The following TIAM1 variants were observed in gnomAD, a reference collection of about 807,000 sequenced individuals.
TIAM1 encodes rho guanine nucleotide exchange factor TIAM1.
TIAM1 carries 65 observed loss-of-function variants against 163.5 expected under a neutral mutation model. The ratio of observed to expected loss-of-function variants is 0.40; its 90% CI spans 0.33 to 0.49. The LOEUF (loss-of-function observed/expected upper bound fraction) is 0.49, where lower values mean the gene tolerates loss of function less well. Among genes scored for constraint, TIAM1 ranks in the 20% least tolerant of loss-of-function variants. TIAM1 has a pLI of 0.77. For synonymous variants in TIAM1, 833 were observed against 810.1 expected, an observed-to-expected ratio of 1.03 and a Z score of -0.48; for missense variants, 1,789 against 2,044.7, an observed-to-expected ratio of 0.87 and a Z score of 2.41.
At chr21:31,327,225 G>T (rs567540146) in intron 2 of TIAM1, among the ~76,000 whole-genome samples, 1 of 152,208 alleles carries the variant, frequency 6.6e-6, no homozygotes, top group East Asian at 1.9e-4. Context: ...TGAAACACTG[G>T]GCTGCAGAGA....
At chr21:31,342,318 C>A (rs2076043805) in intron 1 of TIAM1, among the ~76,000 whole-genome samples, 1 of 151,836 alleles carries the variant, frequency 6.6e-6, no homozygotes, top group Non-Finnish European at 1.5e-5. Flanking sequence ...AAAAATATAA[C>A]CAACCAGAGA....
intron 5 of TIAM1, among the ~76,000 whole-genome samples, 169 bp downstream of exon 5, chr21:31,251,573 G>A (rs1156652163): frequency 1.3e-5 from 2 of 152,194 alleles, no homozygotes; most frequent in African/African-American, 4.8e-5. Context: ...ATGTAAGAGG[G>A]TAGATTTCAT....
chr21:31,454,203 T>C (rs933860405), intron 2 of TIAM1, among the ~76,000 whole-genome samples: 2 of 152,218 alleles, frequency 1.3e-5, no homozygotes, highest in African/African-American at 4.8e-5. Context: ...TTTTTGTCTG[T>C]ATTTTTTTGC....
chr21:31,227,889 C>T (rs185422783), intron 6 of TIAM1, among the ~76,000 whole-genome samples: 263 of 151,966 alleles, frequency 1.7e-3, no homozygotes, highest in Non-Finnish European at 3.0e-3. Context: ...ATGGGTATCT[C>T]GTTAGGTGGG....
intron 1 of TIAM1, among the ~76,000 whole-genome samples, chr21:31,342,214 G>A (rs2076041240): frequency 6.6e-6 from 1 of 152,042 alleles, no homozygotes; most frequent in Non-Finnish European, 1.5e-5. Context: ...GGAGGTTGGG[G>A]CGGGAGGATC....
intron 1 of TIAM1, among the ~76,000 whole-genome samples, chr21:31,342,887 G>A (rs2076062509): frequency 6.6e-6 from 1 of 152,100 alleles, no homozygotes; most frequent in Non-Finnish European, 1.5e-5. Flanking sequence ...AGCAAACTGC[G>A]GCCCCAGCAA....
intron 6 of TIAM1, among the ~76,000 whole-genome samples, chr21:31,242,679 C>T (rs2071245319): frequency 6.6e-6 from 1 of 151,870 alleles, no homozygotes; most frequent in African/African-American, 2.4e-5. Context: ...GAGCAGAGAC[C>T]TGGCAATTTA....
At chr21:31,417,701 A>T (rs931330936) in intron 2 of TIAM1, among the ~76,000 whole-genome samples, 8 of 152,192 alleles carry the variant, frequency 5.3e-5, no homozygotes, top group African/African-American at 1.9e-4. Context: ...ACAGATGTAC[A>T]CCTGCAGGTC....
intron 1 of TIAM1, among the ~76,000 whole-genome samples, chr21:31,555,660 G>A (rs537563241): frequency 1.3e-5 from 2 of 152,286 alleles, no homozygotes; most frequent in South Asian, 4.1e-4. Context: ...CAGATTTCTA[G>A]GCAAGGCTTT....
In TIAM1 at chr21:31,153,142, T is replaced by C. The variant is rs2083456290; in HGVS notation, c.3172-8A>G. ...CATAAGACAGTTTAAATCCTAAGAATTGAAAAGAGAACTCATTAGCTTATG... is the reference window on the plus strand; with the variant it reads ...CATAAGACAGTTTAAATCCTAAGAACTGAAAAGAGAACTCATTAGCTTATG... On this transcript the variant is annotated splice_region_variant and splice_polypyrimidine_tract_variant and intron_variant, in intron 17 of 27. Transcript: ENST00000541036. 1 of 1,603,414 alleles carries C rather than the reference T, an allele frequency of 6.2e-7. No homozygotes were observed. Among genetic ancestry groups the C allele is most frequent in the Admixed American group, 1.7e-5 (1 of 57,764 alleles).
chr21:31,347,035 T>G (rs2076159891), upstream of TIAM1, among the ~76,000 whole-genome samples: 1 of 152,158 alleles, frequency 6.6e-6, no homozygotes. Context: ...TGAATTTTCT[T>G]AAAGCCACAT....
chr21:31,260,741 A>G (rs1601740418), intron 4 of TIAM1, among the ~76,000 whole-genome samples: 1 of 103,822 alleles, frequency 9.6e-6, no homozygotes, highest in South Asian at 4.5e-4. Context: ...AGGAGAACAG[A>G]AAAAAAAAAG....
chr21:31,512,450 G>A (rs779305435), intron 1 of TIAM1, among the ~76,000 whole-genome samples: 3 of 151,788 alleles, frequency 2.0e-5, no homozygotes, highest in Non-Finnish European at 4.4e-5. Context: ...ATCAATGAAT[G>A]GCCTGTGACC....
chr21:31,548,839 CT>C (rs2048588801), intron 1 of TIAM1, among the ~76,000 whole-genome samples: 1 of 152,080 alleles, frequency 6.6e-6, no homozygotes, highest in Non-Finnish European at 1.5e-5. Context: ...GTGGGCTGTT[CT>C]ATGCACTGGA....
intron 22 of TIAM1, among the ~76,000 whole-genome samples, chr21:31,138,013 G>T (rs149795975): frequency 6.6e-6 from 1 of 151,650 alleles, no homozygotes. Context: ...GTGGACTAGG[G>T]GGTCAGGGTG....
At chr21:31,210,746 GGGA>G (rs2086809689) in intron 10 of TIAM1, among the ~76,000 whole-genome samples, 4 of 82,236 alleles carry the variant, frequency 4.9e-5, no homozygotes, top group African/African-American at 3.1e-4. Context: ...AAGGAAGGAA[GGGA>G]GAAAGAAAGA....
rs564929881 is a variant in TIAM1 at position 31,126,967 on chromosome 21, A to C, written c.4133+98T>G. 89 of 1,216,164 alleles carry C rather than the reference A, an allele frequency of 7.3e-5. No individual in the cohort carries two copies. The South Asian group carries it at 9.2e-4, about 13-fold the overall frequency. 75.3% of individuals were successfully genotyped at this position (1,216,164 alleles called of 1,614,324 possible). A position where few individuals can be genotyped will look rare whatever the true frequency, so the allele number is the denominator to read the frequency against. On this transcript the variant is annotated intron_variant, in intron 26 of 27. Transcript: ENST00000541036. ...CTGCATCTCAGTGATGTTACAGTAC[A>C]AACAACGTACCAAACACCAGAACAC... is the stretch of plus-strand genomic sequence containing the variant.
At chr21:31,146,704 C>T (rs1334095133) in intron 20 of TIAM1, among the ~76,000 whole-genome samples, 191 bp downstream of exon 20, 13 of 107,856 alleles carry the variant, frequency 1.2e-4, no homozygotes, top group African/African-American at 3.5e-4. Flanking sequence ...GAGTGAGACT[C>T]TGTCTCAAAA....
At chr21:31,503,705 A>G (rs1225081067) in intron 1 of TIAM1, among the ~76,000 whole-genome samples, 4 of 150,800 alleles carry the variant, frequency 2.7e-5, no homozygotes, top group African/African-American at 9.8e-5. Context: ...TGCATCCTGC[A>G]TGAAAACAGT....
Sources: gnomAD v4.1 joint callset for allele counts (sites outside exome capture counted in the v4.1 genomes callset) on GRCh38, gnomAD v4.1.1 for gene constraint, MANE v1.5 for transcripts, NCBI Gene and HGNC (gene_info 2026-07-23, HGNC 2026-07-21) for gene names.